PPCDC: variants seen among roughly 807,000 people sequenced by gnomAD.
PPCDC encodes phosphopantothenoylcysteine decarboxylase.
Under a neutral mutation model 20.7 loss-of-function variants are expected in PPCDC, and 20 were observed. The ratio of observed to expected loss-of-function variants is 0.97; its 90% CI spans 0.68 to 1.41. PPCDC has a LOEUF of 1.41. Ranked by LOEUF, PPCDC falls within the 40% of genes most tolerant of loss-of-function variation. The probability of loss-of-function intolerance (pLI) is 0.00; values close to 1 mark genes in which losing one functional copy is unlikely to be tolerated. For synonymous variants in PPCDC, 88 were observed against 100.3 expected, an observed-to-expected ratio of 0.88 and a Z score of 0.73; for missense variants, 246 against 263.8, an observed-to-expected ratio of 0.93 and a Z score of 0.47.
At chr15:75,034,082 G>A (rs1437674055) in intron 2 of PPCDC, among the ~76,000 whole-genome samples, 2 of 152,174 alleles carry the variant, frequency 1.3e-5, no homozygotes, top group East Asian at 1.9e-4. Context: ...GCTAGATGGA[G>A]CCCTACCATG....
At chr15:75,046,056 T>TA (rs971866110) in intron 4 of PPCDC, among the ~76,000 whole-genome samples, 6 of 148,620 alleles carry the variant, frequency 4.0e-5, no homozygotes, top group Admixed American at 1.3e-4. Flanking sequence ...ACAAAACATA[T>TA]AAAAAAAATT....
intron 2 of PPCDC, among the ~76,000 whole-genome samples, chr15:75,034,500 G>T (rs992073736): frequency 6.6e-6 from 1 of 152,112 alleles, no homozygotes; most frequent in African/African-American, 2.4e-5. Context: ...AACTCCCTTG[G>T]GGGTTTTGTT....
chr15:75,036,918 G>T (rs578110513), intron 2 of PPCDC, among the ~76,000 whole-genome samples: 4 of 151,978 alleles, frequency 2.6e-5, no homozygotes, highest in Non-Finnish European at 5.9e-5. Context: ...CAATCCGCCC[G>T]TCTCTGCCTC....
intron 2 of PPCDC, among the ~76,000 whole-genome samples, chr15:75,030,212 G>A (rs887213481): frequency 3.3e-5 from 5 of 152,226 alleles, no homozygotes; most frequent in Non-Finnish European, 7.3e-5. Context: ...GCTGATTCCT[G>A]CTGCCCATCC....
intron 1 of PPCDC, among the ~76,000 whole-genome samples, chr15:75,025,525 C>A (rs187996191): frequency 6.6e-6 from 1 of 152,306 alleles, no homozygotes; most frequent in Non-Finnish European, 1.5e-5. Context: ...AGCTGAGGCT[C>A]TTTGCTCTGT....
rs927407354 is a variant in PPCDC at position 75,048,689 on chromosome 15, G to A, written c.497G>A (p.Cys166Tyr). Residue 166 changes from cysteine to tyrosine, a missense_variant, in exon 5 of 6, where the codon TGT becomes TAT. Physicochemically the swap from Cys to Tyr is radical, Grantham distance 194. This residue lies in a region of PPCDC where 225 missense variants were observed against 222.6 expected (regional missense o/e 1.01). Transcript: ENST00000342932. ...LKAFGYVEIP[C>Y]VAKKLVCGDE... ...GCCTTTGGCTATGTCGAGATCCCCT[G>A]TGTGGCCAAGAAGCTGGTGTGCGGA... 8 of 1,614,098 alleles carry A rather than the reference G, an allele frequency of 5.0e-6. No individual in the cohort carries two copies. The Admixed American group carries it at 6.7e-5, about 13-fold the overall frequency.
Position 75,049,875 on chromosome 15 carries a change from G to A in PPCDC, c.*640G>A, listed in dbSNP as rs2141510258. The A allele has an allele frequency of 6.6e-6, 1 of 152,304 alleles. No individual in the cohort carries two copies. The highest frequency in any genetic ancestry group is 6.5e-5 in the Admixed American group (1 of 15,288). The allele number at this position is 152,304 out of a possible 1,614,324, so 9.4% of individuals were successfully genotyped here. ...AGTCCCCGTATAACATGGTGGTTAA[G>A]GATAAAGATCTGAAGCCAGACAGCC... On this transcript the variant is annotated 3_prime_UTR_variant, in exon 6 of 6. Coordinates refer to ENST00000342932, the MANE Select transcript of PPCDC (RefSeq NM_021823.5).
chr15:75,043,740 C>T, intron 3 of PPCDC: 1 of 573,492 alleles, frequency 1.7e-6, no homozygotes, highest in South Asian at 2.1e-5. Flanking sequence ...CCGGCCCAGG[C>T]AGAGCTGGGC....
In PPCDC at chr15:75,028,421, C is replaced by T. The variant is rs776841436; in HGVS notation, c.103C>T (p.Leu35Phe). Residue 35 changes from leucine (L) to phenylalanine (F), a missense_variant, in exon 2 of 6, where the codon CTT becomes TTT. Coordinates refer to ENST00000342932, the MANE Select transcript of PPCDC (RefSeq NM_021823.5). ...TGSVAALKLP[L>F]LVSKLLDIPG... ...GAGTGTCGCAGCCCTGAAGTTGCCTCTTCTGGTGTCAAAGCTTTTGGACAT... is the reference window on the plus strand; with the variant it reads ...GAGTGTCGCAGCCCTGAAGTTGCCTTTTCTGGTGTCAAAGCTTTTGGACAT... The T allele has an allele frequency of 2.0e-5, 33 of 1,614,244 alleles. No homozygotes were observed. The highest frequency in any genetic ancestry group is 2.7e-5 in the Non-Finnish European group (32 of 1,180,048).
intron 1 of PPCDC, among the ~76,000 whole-genome samples, chr15:75,024,793 C>A (rs756093615): frequency 6.6e-6 from 1 of 152,012 alleles, no homozygotes; most frequent in Admixed American, 6.6e-5. Context: ...CCCACCTCAG[C>A]CTCCCAGGTA....
intron 2 of PPCDC, among the ~76,000 whole-genome samples, chr15:75,030,200 G>C (rs893566758): frequency 6.6e-6 from 1 of 152,154 alleles, no homozygotes; most frequent in African/African-American, 2.4e-5. Context: ...TTTGAAAATA[G>C]GGCTGATTCC....
chr15:75,042,594 G>C (rs1468983642), intron 2 of PPCDC, among the ~76,000 whole-genome samples: 1 of 150,724 alleles, frequency 6.6e-6, no homozygotes, highest in Admixed American at 6.6e-5. Flanking sequence ...CGGAGGTTGC[G>C]GTGAGCCGAG....
At chr15:75,040,278 A>C (rs2066137037) in intron 2 of PPCDC, among the ~76,000 whole-genome samples, 4 of 149,990 alleles carry the variant, frequency 2.7e-5, no homozygotes, top group Admixed American at 2.7e-4. Flanking sequence ...TGGTTTCACC[A>C]CGTTGCCCAG....
Position 75,049,448 on chromosome 15 carries a change from C to A in PPCDC, c.*213C>A, listed in dbSNP as rs543071065. 7 of 565,166 alleles carry A rather than the reference C, an allele frequency of 1.2e-5. No homozygotes were observed. The East Asian group carries it at 1.8e-4, about 15-fold the overall frequency. 35.0% of individuals were successfully genotyped at this position (565,166 alleles called of 1,614,324 possible). ...AACCAGGAGAGGCCGCTGCCTAGAG[C>A]CCCTCCCCACCTTTTCCTGGATGGG... On this transcript the variant is annotated 3_prime_UTR_variant, in exon 6 of 6. Coordinates refer to ENST00000342932, the MANE Select transcript of PPCDC (RefSeq NM_021823.5).
chr15:75,046,429 G>T (rs1431252315), intron 4 of PPCDC, among the ~76,000 whole-genome samples: 1 of 152,246 alleles, frequency 6.6e-6, no homozygotes, highest in Non-Finnish European at 1.5e-5. Context: ...CCCGGCCTGG[G>T]CCAGCTCTGC....
In PPCDC at chr15:75,028,462, C is replaced by T. The variant is rs1422140936; in HGVS notation, c.135+9C>T. The T allele has an allele frequency of 3.7e-6, 6 of 1,614,154 alleles. No homozygotes were observed. The highest frequency in any genetic ancestry group is 3.3e-4 in the Middle Eastern group (2 of 6,042). On this transcript the variant is annotated intron_variant, in intron 2 of 5. Coordinates refer to ENST00000342932, the MANE Select transcript of PPCDC (RefSeq NM_021823.5). ...TTTTGGACATTCCTGGGGTGAGTATCCTCACCAGATAAGCATGGCAGCCTC... is the reference window on the plus strand; with the variant it reads ...TTTTGGACATTCCTGGGGTGAGTATTCTCACCAGATAAGCATGGCAGCCTC...
intron 2 of PPCDC, among the ~76,000 whole-genome samples, chr15:75,033,642 C>G (rs183087396): frequency 2.8e-5 from 2 of 72,714 alleles, no homozygotes; most frequent in African/African-American, 1.7e-4. Context: ...AGACATAAGG[C>G]CTGGTTTGAG....
intron 2 of PPCDC, among the ~76,000 whole-genome samples, chr15:75,033,678 G>C (rs1371624156): frequency 6.6e-6 from 1 of 151,758 alleles, no homozygotes; most frequent in African/African-American, 2.4e-5. Context: ...CTGGGTGGGG[G>C]CCACCTGCCC....
chr15:75,048,348 G>C (rs1219064134), intron 4 of PPCDC, among the ~76,000 whole-genome samples: 1 of 152,196 alleles, frequency 6.6e-6, no homozygotes, highest in African/African-American at 2.4e-5. Flanking sequence ...CTGTTTGTAG[G>C]ATCCTGTGCC....
Sources: allele counts gnomAD v4.1 joint callset (sites outside exome capture counted in the v4.1 genomes callset), GRCh38; gene constraint gnomAD v4.1.1; regional missense constraint gnomAD v4.1.1; transcripts MANE v1.5; gene names NCBI Gene and HGNC (gene_info 2026-07-23, HGNC 2026-07-21).